The following USP9X variants were observed in gnomAD, a reference collection of about 807,000 sequenced individuals.
USP9X encodes ubiquitin specific peptidase 9 X-linked.
A neutral mutation model predicts 190.3 loss-of-function variants in USP9X; 7 were observed. The ratio of observed to expected loss-of-function variants is 0.04; its 90% CI spans 0.02 to 0.07. The LOEUF is 0.07. USP9X is among the 10% of genes least tolerant of loss of function. The pLI, the probability that USP9X is intolerant of heterozygous loss-of-function variation, is 1.00. For missense variants in USP9X, 1,010 were observed against 1,916.9 expected (o/e 0.53, Z 8.83); for synonymous variants, 645 against 659.5 (o/e 0.98, Z 0.34).
chrX:41,199,296 G>A (rs1264062766), intron 30 of USP9X, among the ~76,000 whole-genome samples: 2 of 113,028 alleles, frequency 1.8e-5, no homozygotes, highest in Non-Finnish European at 3.7e-5. Flanking sequence ...TATAAGTGGT[G>A]TCGCCATTTG....
At chrX:41,230,344 T>G (rs1457607016) in intron 43 of USP9X, among the ~76,000 whole-genome samples, 157 bp from the exon 44 acceptor site, 2 of 110,642 alleles carry the variant, frequency 1.8e-5, no homozygotes, top group Non-Finnish European at 3.8e-5. Context: ...TTGTTTTTTT[T>G]TTTTTTGTTT....
intron 14 of USP9X, among the ~76,000 whole-genome samples, chrX:41,161,628 G>A (rs1489174083): frequency 1.8e-5 from 1 of 54,437 alleles, no homozygotes; most frequent in Non-Finnish European, 3.2e-5. Flanking sequence ...GAGCCATGGC[G>A]CCCTGCCTTT....
At chrX:41,208,169 C>T (rs1029962731) in intron 32 of USP9X, among the ~76,000 whole-genome samples, 7 of 109,345 alleles carry the variant, frequency 6.4e-5, no homozygotes, top group Admixed American at 9.8e-5. Flanking sequence ...GGATTACAGG[C>T]GCCTGCCACC....
At chrX:41,207,137 G>A (rs1252799070) in intron 32 of USP9X, among the ~76,000 whole-genome samples, 2 of 77,623 alleles carry the variant, frequency 2.6e-5, no homozygotes, top group African/African-American at 1.0e-4. Context: ...TGCCCAGGCT[G>A]AAGTGCAATG....
At chrX:41,191,194 T>G (rs1300986307) in intron 26 of USP9X, among the ~76,000 whole-genome samples, 1 of 108,942 alleles carries the variant, frequency 9.2e-6, no homozygotes, top group Admixed American at 9.9e-5. Flanking sequence ...TTGGACATTG[T>G]GGTGGGCGCC....
intron 21 of USP9X, among the ~76,000 whole-genome samples, chrX:41,179,341 T>G (rs1168923674): frequency 8.9e-6 from 1 of 112,278 alleles, no homozygotes; most frequent in Non-Finnish European, 1.9e-5. Context: ...TGTAGATTGC[T>G]TTGGGTAATA....
At chrX:41,151,443 T>G (rs1411686920) in intron 13 of USP9X, among the ~76,000 whole-genome samples, 3 of 112,131 alleles carry the variant, frequency 2.7e-5, no homozygotes, top group African/African-American at 9.7e-5. Context: ...TTTTTAAACA[T>G]TTATTTTAGC....
At chrX:41,144,070 T>G (rs2147055976) in intron 10 of USP9X, among the ~76,000 whole-genome samples, 1 of 111,754 alleles carries the variant, frequency 8.9e-6, no homozygotes, top group South Asian at 3.7e-4. Context: ...GCCTTATTTT[T>G]GTATTTGCAA....
chrX:41,141,899 A>G (rs1196619871), intron 9 of USP9X, among the ~76,000 whole-genome samples: 1 of 112,137 alleles, frequency 8.9e-6, no homozygotes, highest in Admixed American at 9.5e-5. Flanking sequence ...GAAAGCCCTT[A>G]TTTTGACATT....
chrX:41,111,430 A>C (rs760555603), intron 1 of USP9X, among the ~76,000 whole-genome samples: 7 of 112,148 alleles, frequency 6.2e-5, no homozygotes, highest in Admixed American at 3.8e-4. Flanking sequence ...AAGACAAACA[A>C]ACACCTGTTG....
In USP9X at chrX:41,233,112, TC is replaced by T. The variant is rs1377170348; in HGVS notation, c.*589del. 1 of 112,353 alleles carries T rather than the reference TC, an allele frequency of 8.9e-6. No individual in the cohort carries two copies. The highest frequency in any genetic ancestry group is 3.2e-5 in the African/African-American group (1 of 30,933). 9.3% of individuals were successfully genotyped at this position (112,353 alleles called of 1,213,427 possible). ...ATGTAACACTGTTTCTAGATTTTTT[TC>T]ATTGCCTTTTTATTCTGATATTAGG... On this transcript the variant is annotated 3_prime_UTR_variant, in exon 45 of 45. Coordinates refer to ENST00000378308, the MANE Select transcript of USP9X (RefSeq NM_001039591.3).
At chrX:41,101,043 A>G (rs1324795745) in intron 1 of USP9X, among the ~76,000 whole-genome samples, 2 of 111,888 alleles carry the variant, frequency 1.8e-5, no homozygotes, top group African/African-American at 6.5e-5. Context: ...TTGTTTAATA[A>G]TAGTGTCTCT....
At chrX:41,097,385 C>T (rs2061999459) in intron 1 of USP9X, among the ~76,000 whole-genome samples, 1 of 111,714 alleles carries the variant, frequency 9.0e-6, no homozygotes, top group Non-Finnish European at 1.9e-5. Context: ...TCTTATTTTA[C>T]TGTAAGAGAA....
At chrX:41,185,239 G>A (rs1483789599) in intron 23 of USP9X, among the ~76,000 whole-genome samples, 2 of 112,229 alleles carry the variant, frequency 1.8e-5, no homozygotes, top group Non-Finnish European at 3.8e-5. Flanking sequence ...AAACTTCAGG[G>A]ATAAAGATTT....
chrX:41,112,904 T>C (rs1334948910), intron 1 of USP9X, among the ~76,000 whole-genome samples: 1 of 112,841 alleles, frequency 8.9e-6, no homozygotes, highest in Non-Finnish European at 1.9e-5. Context: ...AAAGAATCCT[T>C]GAAGTCCAGC....
rs1291375786 is a variant in USP9X, at chrX:41,217,334, C to T, written c.6200C>T (p.Ala2067Val). 4 of 1,205,203 alleles carry T rather than the reference C, an allele frequency of 3.3e-6. No homozygotes were observed. The highest frequency in any genetic ancestry group is 4.5e-6 in the Non-Finnish European group (4 of 893,458). The change falls in exon 36 of 45, where the codon GCC (alanine) becomes GTC (valine). Residue 2067 changes from alanine (A) to valine (V), a missense_variant. Ala to Val is a moderately conservative substitution (Grantham distance 64). Around this residue, in one of 11 missense-constraint regions of USP9X, gnomAD observed 121 missense variants for 281.2 expected, o/e 0.43. Coordinates refer to ENST00000378308, the MANE Select transcript of USP9X (RefSeq NM_001039591.3). ...ACAAAGAAAGTAGTCCGTGGCTCTG[C>T]CAGTGATTGGTACATTGCTTTGGAT... ...FHTKKVVRGS[A>V]SDWYDALCIL... is the part of the protein sequence containing the mutation.
At chrX:41,091,288 T>C (rs1174263906) in intron 1 of USP9X, among the ~76,000 whole-genome samples, 2 of 112,212 alleles carry the variant, frequency 1.8e-5, no homozygotes, top group Admixed American at 9.4e-5. Flanking sequence ...ATAGGTTCTT[T>C]TGGAATTCTT....
chrX:41,088,562 A>G (rs1489013318), intron 1 of USP9X, among the ~76,000 whole-genome samples: 3 of 112,466 alleles, frequency 2.7e-5, no homozygotes, highest in Non-Finnish European at 5.6e-5. Context: ...ACAGATGTTA[A>G]GAATTAGTTA....
chrX:41,142,004 T>C lies in USP9X; in HGVS notation c.1161+573T>C, dbSNP rs775241203. Among the ~76,000 whole-genome samples the C allele has an allele frequency of 8.9e-5, 10 of 111,956 alleles. No homozygotes were observed. The South Asian group carries it at 3.7e-3, about 42-fold the overall frequency. ...ATTTAAGTTACAGTGCCAATATTTT[T>C]TGAATGTATATGTGTAACAGTCCTG... is the stretch of plus-strand genomic sequence containing the variant. On this transcript the variant is annotated intron_variant, in intron 9 of 44. Transcript: ENST00000378308.
Sources: allele counts gnomAD v4.1 joint callset (sites outside exome capture counted in the v4.1 genomes callset), GRCh38; gene constraint gnomAD v4.1.1; regional missense constraint gnomAD v4.1.1; transcripts MANE v1.5; gene names NCBI Gene and HGNC (gene_info 2026-07-23, HGNC 2026-07-21).